The following PLEKHA7 variants were observed in gnomAD, a reference collection of about 807,000 sequenced individuals.
PLEKHA7 encodes the protein pleckstrin homology domain-containing family A member 7.
A neutral mutation model predicts 170.0 loss-of-function variants in PLEKHA7; 104 were observed. That is an observed-to-expected ratio of 0.61 (90% CI 0.52 to 0.72). PLEKHA7 has a LOEUF of 0.72. Among genes scored for constraint, PLEKHA7 ranks in the 30% least tolerant of loss-of-function variants. PLEKHA7 has a pLI of 0.00. For missense variants in PLEKHA7, 1,615 were observed against 1,671.7 expected (o/e 0.97, Z 0.59); for synonymous variants, 648 against 660.8 (o/e 0.98, Z 0.30).
chr11:16,873,929 A>C (rs1855074594), intron 3 of PLEKHA7, among the ~76,000 whole-genome samples: 1 of 152,124 alleles, frequency 6.6e-6, no homozygotes, highest in Non-Finnish European at 1.5e-5. Flanking sequence ...AGCCTCCCAA[A>C]GTGCTGGGAT....
At chr11:16,801,893 C>T in intron 15 of PLEKHA7, 76 bp from the exon 16 acceptor site, 1 of 1,574,546 alleles carries the variant, frequency 6.4e-7, no homozygotes, top group Non-Finnish European at 8.7e-7. Flanking sequence ...CACCAGGAAC[C>T]AAAGCTACTG....
rs928724981 is a variant in PLEKHA7, at chr11:16,926,769, T to C, written c.222-55587A>G. On this transcript the variant is annotated intron_variant, in intron 3 of 26. Transcript: ENST00000531066. ...GTGGAAATGCCATGCTAGGCACATC[T>C]GGGCTTTTATCCAGGTGGGGCATAG... Among the ~76,000 whole-genome samples the C allele has an allele frequency of 2.6e-5, 4 of 152,334 alleles. No individual in the cohort carries two copies. The East Asian group carries it at 7.7e-4, about 29-fold the overall frequency.
At chr11:16,950,583 C>T (rs1356697839) in intron 3 of PLEKHA7, among the ~76,000 whole-genome samples, 1 of 151,894 alleles carries the variant, frequency 6.6e-6, no homozygotes, top group Non-Finnish European at 1.5e-5. Context: ...GCAGGCCTTC[C>T]ACAATCTAAT....
At chr11:16,785,085 G>A (rs75808981) in intron 24 of PLEKHA7, among the ~76,000 whole-genome samples, 1 of 152,270 alleles carries the variant, frequency 6.6e-6, no homozygotes, top group Non-Finnish European at 1.5e-5. Context: ...CAACTGTACA[G>A]GCATCTATCT....
At chr11:16,813,363 G>C (rs561982964) in intron 12 of PLEKHA7, 197 bp from the exon 13 acceptor site, 1 of 467,132 alleles carries the variant, frequency 2.1e-6, no homozygotes. Flanking sequence ...GGCGGATCTT[G>C]CAGGTCACTG....
rs145098464 is a variant in PLEKHA7, at chr11:16,792,237, C to G, written c.2746-1038G>C. Among the ~76,000 whole-genome samples, 132 of 152,190 alleles carry G rather than the reference C, an allele frequency of 8.7e-4. 1 individual carries two copies. Among genetic ancestry groups the G allele is most frequent in the African/African-American group, 2.9e-3 (122 of 41,522 alleles). On this transcript the variant is annotated intron_variant, in intron 19 of 26. Transcript: ENST00000531066. ...AAAGATAAACATAAAACATTGATTG[C>G]CTTTGATTGAATGGAATGTCTGGAG...
chr11:16,898,564 G>A (rs1857137596), intron 3 of PLEKHA7, among the ~76,000 whole-genome samples: 1 of 152,160 alleles, frequency 6.6e-6, no homozygotes, highest in Non-Finnish European at 1.5e-5. Flanking sequence ...AAGGCTGAAT[G>A]TAACAAGTTA....
Position 16,841,611 on chromosome 11 carries a change from T to G in PLEKHA7, c.808A>C (p.Met270Leu), listed in dbSNP as rs1210768425. The G allele has an allele frequency of 6.2e-7, 1 of 1,614,010 alleles. No homozygotes were observed. Among genetic ancestry groups the G allele is most frequent in the Admixed American group, 1.7e-5 (1 of 59,996 alleles). The stretch of plus-strand genomic sequence containing the variant: ...TTCATGGCCCTGACCCAAGCGTTCA[T>G]GTCCTCCTGGGTGTCGGCACTGAAG... ...YYFSADTQED[M>L]NAWVRAMNQA... is the part of the protein sequence containing the mutation. The change falls in exon 9 of 27, where the codon ATG (methionine) becomes CTG (leucine). Residue 270 changes from methionine to leucine, a missense_variant. Coordinates refer to ENST00000531066, the MANE Select transcript of PLEKHA7 (RefSeq NM_001329630.2).
chr11:16,940,714 CT>C lies in PLEKHA7; in HGVS notation c.222-69533del, dbSNP rs201851188. ...AGTGTTCAAAAATGAAGATAATTAC[CT>C]TTTTTTGTTTGTTTTTTTAAAGGAC... On this transcript the variant is annotated intron_variant, in intron 3 of 26. Transcript: ENST00000531066. Among the ~76,000 whole-genome samples the C allele has an allele frequency of 7.8e-3, 1,192 of 152,078 alleles. 17 individuals carry two copies. Among genetic ancestry groups the C allele is most frequent in the African/African-American group, 0.027 (1,109 of 41,470 alleles).
intron 3 of PLEKHA7, among the ~76,000 whole-genome samples, chr11:16,885,204 C>T (rs546912740): frequency 1.3e-5 from 2 of 151,938 alleles, no homozygotes; most frequent in South Asian, 2.1e-4. Flanking sequence ...GTGGCACATG[C>T]CTGTAATCTC....
chr11:16,887,441 C>T (rs1000484636), intron 3 of PLEKHA7, among the ~76,000 whole-genome samples: 7 of 151,866 alleles, frequency 4.6e-5, no homozygotes, highest in African/African-American at 1.2e-4. Flanking sequence ...CCTCCGATGC[C>T]GAGTCGAAGC....
At chr11:16,835,393 C>G (rs1343481331) in intron 9 of PLEKHA7, among the ~76,000 whole-genome samples, 1 of 152,138 alleles carries the variant, frequency 6.6e-6, no homozygotes, top group African/African-American at 2.4e-5. Flanking sequence ...GCTGTAGGGA[C>G]CCTGAACTGT....
intron 25 of PLEKHA7, 39 bp downstream of exon 25, chr11:16,783,660 TC>T: frequency 7.3e-7 from 1 of 1,361,034 alleles, no homozygotes; most frequent in Non-Finnish European, 9.5e-7. Context: ...CCACCTGGGG[TC>T]AGGGTGACCT....
chr11:16,894,900 C>G (rs1010587918), intron 3 of PLEKHA7, among the ~76,000 whole-genome samples: 2 of 152,152 alleles, frequency 1.3e-5, no homozygotes, highest in Non-Finnish European at 2.9e-5. Flanking sequence ...ACTCCAGGCA[C>G]TCTGCAGGCA....
intron 6 of PLEKHA7, among the ~76,000 whole-genome samples, chr11:16,854,668 G>GTTGCTAAAGT (rs1853278529): frequency 1.3e-5 from 2 of 152,220 alleles, no homozygotes; most frequent in Admixed American, 6.5e-5. Flanking sequence ...GGCCAAAGTG[G>GTTGCTAAAGT]TCAAGTGGGT....
intron 5 of PLEKHA7, 44 bp downstream of exon 5, chr11:16,855,759 A>G (rs1464755949): frequency 6.9e-7 from 1 of 1,452,794 alleles, no homozygotes; most frequent in African/African-American, 1.4e-5. Flanking sequence ...GGCTTGGCAA[A>G]ATATAAAAGA....
At chr11:16,803,408 G>A (rs1848736124) in intron 13 of PLEKHA7, 113 bp from the exon 14 acceptor site, 1 of 1,117,840 alleles carries the variant, frequency 8.9e-7, no homozygotes, top group East Asian at 2.5e-5. Flanking sequence ...GTGGCAGGTA[G>A]GGTCATAGTA....
At chr11:17,008,525 CT>C (rs571085971) in intron 3 of PLEKHA7, among the ~76,000 whole-genome samples, 5 of 152,234 alleles carry the variant, frequency 3.3e-5, no homozygotes, top group Non-Finnish European at 5.9e-5. Context: ...TCTCACCTTG[CT>C]TATTCTCCTC....
intron 19 of PLEKHA7, among the ~76,000 whole-genome samples, chr11:16,792,799 G>T (rs1312362116): frequency 6.6e-6 from 1 of 152,098 alleles, no homozygotes; most frequent in African/African-American, 2.4e-5. Context: ...TTTGAGACAG[G>T]GTCTTGCTGT....
Sources: allele counts gnomAD v4.1 joint callset (sites outside exome capture counted in the v4.1 genomes callset), GRCh38; gene constraint gnomAD v4.1.1; transcripts MANE v1.5; gene names NCBI Gene and HGNC (gene_info 2026-07-23, HGNC 2026-07-21).